Variants in TRIO observed in about 807,000 individuals in gnomAD.
TRIO encodes triple functional domain protein.
TRIO carries 58 observed loss-of-function variants against 351.9 expected under a neutral mutation model. That is an observed-to-expected ratio of 0.16 (90% CI 0.13 to 0.21). TRIO has a LOEUF of 0.21. Among genes scored for constraint, TRIO ranks in the 10% least tolerant of loss-of-function variants. TRIO has a pLI of 1.00. For missense variants in TRIO, 3,201 were observed against 4,027.8 expected (o/e 0.79, Z 5.56); for synonymous variants, 1,758 against 1,595.7 (o/e 1.10, Z -2.42).
At position 14,504,445 on chromosome 5, in the gene TRIO, G is replaced by A. The variant is rs1224958882; in HGVS notation, c.8464G>A (p.Val2822Met). ...TGATCAGAAAGGAACCAAGCGAGCA[G>A]TGGCCACTAAGTTTGTGAACAAGAA... ...KCDQKGTKRA[V>M]ATKFVNKKLM... The change falls in exon 55 of 57, where the codon GTG (valine) becomes ATG (methionine). Residue 2822 changes from valine to methionine, a missense_variant. Physicochemically the swap from Val to Met is conservative, Grantham distance 21. Around this residue, in one of 19 missense-constraint regions of TRIO, gnomAD observed 1,089 missense variants for 954.9 expected, o/e 1.14. Coordinates refer to ENST00000344204, the MANE Select transcript of TRIO (RefSeq NM_007118.4). The A allele has an allele frequency of 6.2e-7, 1 of 1,614,110 alleles. No individual in the cohort carries two copies. The highest frequency in any genetic ancestry group is 8.5e-7 in the Non-Finnish European group (1 of 1,180,042).
chr5:14,262,253 T>C (rs1264098804), intron 1 of TRIO, among the ~76,000 whole-genome samples: 1 of 151,052 alleles, frequency 6.6e-6, no homozygotes, highest in African/African-American at 2.4e-5. Context: ...GAGTGCATCT[T>C]GGCGGTGTCT....
chr5:14,258,618 G>A (rs907611316), intron 1 of TRIO, among the ~76,000 whole-genome samples: 1 of 152,146 alleles, frequency 6.6e-6, no homozygotes, highest in Non-Finnish European at 1.5e-5. Context: ...GCACTGCAGG[G>A]CAGGTGTCTA....
intron 45 of TRIO, among the ~76,000 whole-genome samples, chr5:14,482,032 G>T (rs1755564198): frequency 6.6e-6 from 1 of 152,048 alleles, no homozygotes; most frequent in Non-Finnish European, 1.5e-5. Context: ...TGCATGAGTT[G>T]CTAGACTATT....
chr5:14,184,897 C>G (rs1165508518), intron 1 of TRIO, among the ~76,000 whole-genome samples: 1 of 152,154 alleles, frequency 6.6e-6, no homozygotes, highest in Non-Finnish European at 1.5e-5. Context: ...GCTCATTAAT[C>G]ACGTTTAGTG....
chr5:14,247,833 C>G (rs1264132376), intron 1 of TRIO, among the ~76,000 whole-genome samples: 1 of 151,938 alleles, frequency 6.6e-6, no homozygotes, highest in Admixed American at 6.6e-5. Flanking sequence ...TTTGAGAGGC[C>G]GAGACAGGCA....
chr5:14,264,206 T>A (rs1795517753), intron 1 of TRIO, among the ~76,000 whole-genome samples: 1 of 152,114 alleles, frequency 6.6e-6, no homozygotes, highest in African/African-American at 2.4e-5. Context: ...TCTTTTTGAT[T>A]ATTTTGGTTT....
At chr5:14,386,740 T>C (rs1746574749) in intron 21 of TRIO, among the ~76,000 whole-genome samples, 1 of 152,210 alleles carries the variant, frequency 6.6e-6, no homozygotes, top group African/African-American at 2.4e-5. Context: ...TGAAAAATAA[T>C]AAACTATGCT....
Position 14,485,159 on chromosome 5 carries a change from A to G in TRIO, c.6748A>G (p.Ile2250Val), listed in dbSNP as rs1369327322. Residue 2250 changes from isoleucine to valine, a missense_variant, in exon 47 of 57, where the codon ATT becomes GTT. Ile to Val is a conservative substitution (Grantham distance 29). Around this residue, in one of 19 missense-constraint regions of TRIO, gnomAD observed 1,089 missense variants for 954.9 expected, o/e 1.14. Coordinates refer to ENST00000344204, the MANE Select transcript of TRIO (RefSeq NM_007118.4). ...GACGGGTGACGTGGTAGAGACCTTC[A>G]TTTTGCATTCATCTAGTCCAAGTGT... ...SRTGDVVETF[I>V]LHSSSPSVRQ... 6.3e-7 allele frequency: 1 copy of G among 1,596,664 alleles called. No homozygotes were observed. Among genetic ancestry groups the G allele is most frequent in the African/African-American group, 1.3e-5 (1 of 74,610 alleles).
intron 33 of TRIO, among the ~76,000 whole-genome samples, chr5:14,414,039 G>C (rs775141714): frequency 1.3e-5 from 2 of 152,204 alleles, no homozygotes; most frequent in Non-Finnish European, 2.9e-5. Flanking sequence ...GATTGCTTTG[G>C]TCACTCAGGA....
chr5:14,455,935 G>A (rs1052947730), intron 34 of TRIO, among the ~76,000 whole-genome samples: 18 of 152,376 alleles, frequency 1.2e-4, no homozygotes, highest in East Asian at 1.9e-4. Context: ...CGGGCGCTGC[G>A]GAGGCTCAGG....
At chr5:14,274,960 T>C (rs1735367914) in intron 2 of TRIO, among the ~76,000 whole-genome samples, 1 of 152,172 alleles carries the variant, frequency 6.6e-6, no homozygotes. Flanking sequence ...CTGGTTCCTT[T>C]TAGTAGGAAA....
chr5:14,267,636 C>G (rs975537420), intron 1 of TRIO, among the ~76,000 whole-genome samples: 3 of 152,166 alleles, frequency 2.0e-5, no homozygotes, highest in Non-Finnish European at 4.4e-5. Flanking sequence ...GGGCATGGAA[C>G]ACAGCCTGCC....
chr5:14,331,957 A>G (rs1561351490), intron 10 of TRIO, among the ~76,000 whole-genome samples: 1 of 152,204 alleles, frequency 6.6e-6, no homozygotes, highest in Non-Finnish European at 1.5e-5. Flanking sequence ...TTTGCAAATA[A>G]CTGTCAGGAA....
intron 14 of TRIO, 66 bp from the exon 15 acceptor site, chr5:14,364,584 C>A: frequency 6.5e-7 from 1 of 1,532,718 alleles, no homozygotes; most frequent in South Asian, 1.3e-5. Context: ...TTTGTGCCAT[C>A]CACCCTTTGA....
intron 42 of TRIO, among the ~76,000 whole-genome samples, chr5:14,479,615 A>G (rs921986266): frequency 2.0e-5 from 3 of 152,296 alleles, no homozygotes; most frequent in Non-Finnish European, 1.5e-5. Flanking sequence ...AAGTCTCATT[A>G]CAAAGTCAGA....
At chr5:14,303,562 G>C (rs1057329758) in intron 7 of TRIO, among the ~76,000 whole-genome samples, 1 of 151,036 alleles carries the variant, frequency 6.6e-6, no homozygotes, top group Non-Finnish European at 1.5e-5. Context: ...TCCTGGAGAT[G>C]GAGGGGGCAG....
intron 34 of TRIO, among the ~76,000 whole-genome samples, chr5:14,427,513 A>G (rs988337302): frequency 3.3e-5 from 5 of 152,148 alleles, no homozygotes; most frequent in Non-Finnish European, 4.4e-5. Context: ...GAATACAACC[A>G]GTTACCAGAA....
At chr5:14,348,711 T>C (rs1742680340) in intron 11 of TRIO, among the ~76,000 whole-genome samples, 1 of 152,084 alleles carries the variant, frequency 6.6e-6, no homozygotes, top group South Asian at 2.1e-4. Flanking sequence ...CATGTTTATG[T>C]GTGTGTACGC....
At chr5:14,384,760 G>T (rs1453450657) in intron 21 of TRIO, among the ~76,000 whole-genome samples, 1 of 151,792 alleles carries the variant, frequency 6.6e-6, no homozygotes, top group Non-Finnish European at 1.5e-5. Flanking sequence ...TGAAAGAAAA[G>T]GTTAATAAAT....
Sources: allele counts gnomAD v4.1 joint callset (sites outside exome capture counted in the v4.1 genomes callset), GRCh38; gene constraint gnomAD v4.1.1; regional missense constraint gnomAD v4.1.1; transcripts MANE v1.5; gene names NCBI Gene and HGNC (gene_info 2026-07-23, HGNC 2026-07-21).